PKNOX2: variants seen among roughly 807,000 people sequenced by gnomAD.
The protein encoded by PKNOX2 is homeobox protein PKNOX2.
PKNOX2 carries 14 observed loss-of-function variants against 53.1 expected under a neutral mutation model. The ratio of observed to expected loss-of-function variants is 0.26; its 90% CI spans 0.17 to 0.41. The LOEUF (loss-of-function observed/expected upper bound fraction) is 0.41, where lower values mean the gene tolerates loss of function less well. Ranked by LOEUF, PKNOX2 falls within the 10% of genes least tolerant of loss-of-function variation. The pLI is 1.00. For missense variants in PKNOX2, 496 were observed against 602.8 expected, an observed-to-expected ratio of 0.82 and a Z score of 1.85; for synonymous variants, 257 against 242.8, an observed-to-expected ratio of 1.06 and a Z score of -0.54.
At chr11:125,305,060 C>T (rs568445193) in intron 2 of PKNOX2, among the ~76,000 whole-genome samples, 61 of 152,216 alleles carry the variant, frequency 4.0e-4, no homozygotes, top group African/African-American at 1.3e-3. Flanking sequence ...GATCTGGATT[C>T]GAACCCATCT....
chr11:125,393,597 T>C lies in PKNOX2; in HGVS notation c.400-4277T>C, dbSNP rs115985596. 7.0e-3 allele frequency among the ~76,000 whole-genome samples: 1,070 copies of C among 152,112 alleles called. 11 individuals carry two copies. The highest frequency in any genetic ancestry group is 0.024 in the African/African-American group (990 of 41,490). ...TTGAGGGCAGAAGTCCTGGTAATGTTCAGAGAGTCAGAAAACGTAAGGGAC... is the reference window on the plus strand; with the variant it reads ...TTGAGGGCAGAAGTCCTGGTAATGTCCAGAGAGTCAGAAAACGTAAGGGAC... On this transcript the variant is annotated intron_variant, in intron 6 of 12. Coordinates refer to ENST00000298282, the MANE Select transcript of PKNOX2 (RefSeq NM_001382323.2).
At chr11:125,361,298 G>T (rs1467020981) in intron 4 of PKNOX2, among the ~76,000 whole-genome samples, 1 of 152,236 alleles carries the variant, frequency 6.6e-6, no homozygotes, top group Non-Finnish European at 1.5e-5. Flanking sequence ...GGCCACGCAG[G>T]CCTGGGGCAG....
intron 10 of PKNOX2, among the ~76,000 whole-genome samples, chr11:125,420,376 A>C (rs1425202659): frequency 6.6e-6 from 1 of 151,728 alleles, no homozygotes; most frequent in Admixed American, 6.6e-5. Context: ...AATACAAAAA[A>C]TTAGCCAGGG....
intron 1 of PKNOX2, among the ~76,000 whole-genome samples, chr11:125,203,914 C>T (rs1467285206): frequency 2.0e-5 from 3 of 152,186 alleles, no homozygotes; most frequent in South Asian, 2.1e-4. Context: ...TCCCAAGCTT[C>T]GTTTCCCCAA....
At chr11:125,277,954 T>C (rs1946288419) in intron 2 of PKNOX2, among the ~76,000 whole-genome samples, 1 of 152,138 alleles carries the variant, frequency 6.6e-6, no homozygotes, top group African/African-American at 2.4e-5. Context: ...TAGTTGCTCA[T>C]GCCTATAATC....
chr11:125,281,574 G>A lies in PKNOX2; in HGVS notation c.-130+46459G>A, dbSNP rs182931148. Among the ~76,000 whole-genome samples, 292 of 152,282 alleles carry A rather than the reference G, an allele frequency of 1.9e-3. 6 individuals carry two copies. The highest frequency in any genetic ancestry group is 1.8e-3 in the Non-Finnish European group (120 of 68,016). ...TGTCTTAAATAAGAGGTCCTCACAGGGTTCTTCTGAAGATTGAATGAAATG... is the reference window on the plus strand; with the variant it reads ...TGTCTTAAATAAGAGGTCCTCACAGAGTTCTTCTGAAGATTGAATGAAATG... On this transcript the variant is annotated intron_variant, in intron 2 of 12. Coordinates refer to ENST00000298282, the MANE Select transcript of PKNOX2 (RefSeq NM_001382323.2).
intron 2 of PKNOX2, among the ~76,000 whole-genome samples, chr11:125,312,731 A>C (rs1019532977): frequency 3.3e-5 from 5 of 152,152 alleles, no homozygotes; most frequent in African/African-American, 1.2e-4. Context: ...CCATAATGCC[A>C]ATTCAGCGGG....
intron 4 of PKNOX2, among the ~76,000 whole-genome samples, chr11:125,354,550 T>C (rs925970109): frequency 1.3e-5 from 2 of 152,190 alleles, no homozygotes; most frequent in African/African-American, 4.8e-5. Flanking sequence ...TGCGATCGTT[T>C]TAATAATGTT....
At chr11:125,313,025 TG>T (rs1229072351) in intron 2 of PKNOX2, among the ~76,000 whole-genome samples, 1 of 151,928 alleles carries the variant, frequency 6.6e-6, no homozygotes, top group Non-Finnish European at 1.5e-5. Context: ...TGGAGGCCCG[TG>T]TCATGCTATC....
intron 2 of PKNOX2, among the ~76,000 whole-genome samples, chr11:125,315,804 G>A (rs975150189): frequency 2.6e-5 from 4 of 151,940 alleles, no homozygotes; most frequent in Non-Finnish European, 5.9e-5. Context: ...GTGCCCCCAT[G>A]GCCTCCCCAG....
At chr11:125,333,411 T>G (rs1290267042) in intron 3 of PKNOX2, among the ~76,000 whole-genome samples, 1 of 152,170 alleles carries the variant, frequency 6.6e-6, no homozygotes, top group Non-Finnish European at 1.5e-5. Context: ...AGAATATGGG[T>G]AACAGGGTTG....
At chr11:125,386,969 C>G (rs991682744) in intron 6 of PKNOX2, among the ~76,000 whole-genome samples, 1 of 152,146 alleles carries the variant, frequency 6.6e-6, no homozygotes, top group Non-Finnish European at 1.5e-5. Flanking sequence ...CGCTTGCTGT[C>G]GGGAGGGTCA....
intron 6 of PKNOX2, among the ~76,000 whole-genome samples, chr11:125,391,577 T>TACTTGTTCA (rs1385123372): frequency 6.6e-6 from 1 of 152,244 alleles, no homozygotes; most frequent in Non-Finnish European, 1.5e-5. Context: ...AAGTTCAAAC[T>TACTTGTTCA]ACTTGTTCAA....
intron 2 of PKNOX2, among the ~76,000 whole-genome samples, chr11:125,265,277 ACT>A (rs1289701817): frequency 6.7e-6 from 1 of 150,320 alleles, no homozygotes. Context: ...ACAGAGCGAG[ACT>A]CTGTCTCAAA....
intron 2 of PKNOX2, among the ~76,000 whole-genome samples, chr11:125,256,018 T>C (rs1944380409): frequency 6.6e-6 from 1 of 152,034 alleles, no homozygotes; most frequent in South Asian, 2.1e-4. Context: ...AGACCAGGAC[T>C]GTTCCTCTGA....
chr11:125,392,296 A>G (rs970707737), intron 6 of PKNOX2, among the ~76,000 whole-genome samples: 4 of 152,374 alleles, frequency 2.6e-5, no homozygotes, highest in African/African-American at 7.2e-5. Context: ...AATTTGCCCA[A>G]CGGCACCCAA....
intron 1 of PKNOX2, among the ~76,000 whole-genome samples, chr11:125,186,551 T>C (rs959087999): frequency 1.3e-5 from 2 of 151,690 alleles, no homozygotes; most frequent in Non-Finnish European, 2.9e-5. Context: ...ACTCAGGAGG[T>C]TGAGATGGGA....
At chr11:125,211,041 A>G (rs1419249628) in intron 1 of PKNOX2, among the ~76,000 whole-genome samples, 1 of 152,178 alleles carries the variant, frequency 6.6e-6, no homozygotes, top group Non-Finnish European at 1.5e-5. Flanking sequence ...CTTGTCGGTC[A>G]GGTGCCTAGC....
chr11:125,426,802 C>T (rs960764082), intron 10 of PKNOX2, among the ~76,000 whole-genome samples: 3 of 152,220 alleles, frequency 2.0e-5, no homozygotes, highest in Non-Finnish European at 4.4e-5. Context: ...AAGCTCATGG[C>T]CTAGTGGGGG....
Sources: gnomAD v4.1 joint callset for allele counts (sites outside exome capture counted in the v4.1 genomes callset) on GRCh38, gnomAD v4.1.1 for gene constraint, MANE v1.5 for transcripts, NCBI Gene and HGNC (gene_info 2026-07-23, HGNC 2026-07-21) for gene names.